ANO1: variants seen among roughly 807,000 people sequenced by gnomAD.
The protein encoded by ANO1 is anoctamin 1.
Under a neutral mutation model 124.0 loss-of-function variants are expected in ANO1, and 59 were observed. The ratio of observed to expected loss-of-function variants is 0.48; its 90% CI spans 0.39 to 0.59. ANO1 has a LOEUF of 0.59. Among genes scored for constraint, ANO1 ranks in the 20% least tolerant of loss-of-function variants. The pLI, the probability that ANO1 is intolerant of heterozygous loss-of-function variation, is 0.00. For synonymous variants in ANO1, 529 were observed against 532.0 expected, an observed-to-expected ratio of 0.99 and a Z score of 0.08; for missense variants, 1,059 against 1,328.0, an observed-to-expected ratio of 0.80 and a Z score of 3.15.
intron 1 of ANO1, chr11:70,014,739 G>A (rs959341071): frequency 1.3e-5 from 2 of 152,114 alleles, no homozygotes; most frequent in South Asian, 2.1e-4. Context: ...CCAAAGCAGC[G>A]GTTCCAGCTG....
intron 1 of ANO1, among the ~76,000 whole-genome samples, chr11:70,066,683 C>T (rs1042197220): frequency 1.3e-5 from 2 of 152,184 alleles, no homozygotes; most frequent in Non-Finnish European, 2.9e-5. Flanking sequence ...GACGGCACAG[C>T]AGAGACGTCT....
chr11:69,976,096 T>C, the ANO1 span, among the ~76,000 whole-genome samples: 1 of 152,194 alleles, frequency 6.6e-6, no homozygotes, highest in Non-Finnish European at 1.5e-5. Context: ...ATGGTCCTTT[T>C]AATAAATCCT....
chr11:70,174,618 G>A (rs181860545), intron 22 of ANO1, among the ~76,000 whole-genome samples: 8 of 152,182 alleles, frequency 5.3e-5, no homozygotes, highest in Admixed American at 2.0e-4. Context: ...GTCCTCCAGG[G>A]AACCCCGGGA....
In ANO1 at chr11:70,126,232, C is replaced by G. The variant is rs774347182; in HGVS notation, c.1097+37C>G. The G allele has an allele frequency of 9.3e-5, 148 of 1,591,044 alleles. 2 individuals are homozygous for G. In the South Asian group the frequency reaches 1.5e-3, roughly 16 times the overall value. ...CCCACCCCCACCACCCCGCAGTACA[C>G]AGAGGAGCCCTCTCCTGCCATCCCA... On this transcript the variant is annotated intron_variant, in intron 10 of 25. Transcript: ENST00000355303.
At chr11:70,168,254 G>A (rs78177601) in intron 21 of ANO1, among the ~76,000 whole-genome samples, 1,956 of 152,196 alleles carry the variant, frequency 0.013, 40 homozygotes, top group African/African-American at 0.039. Context: ...CCGCCCCAGG[G>A]CCTTTGCACG....
chr11:70,009,407 G>A (rs1856550303), intron 1 of ANO1, among the ~76,000 whole-genome samples: 1 of 152,300 alleles, frequency 6.6e-6, no homozygotes, highest in African/African-American at 2.4e-5. Context: ...ATCACCTGGG[G>A]CCTCTGACAT....
At chr11:70,061,638 T>C (rs964994379) in intron 1 of ANO1, among the ~76,000 whole-genome samples, 2 of 152,216 alleles carry the variant, frequency 1.3e-5, no homozygotes, top group Non-Finnish European at 2.9e-5. Context: ...CTATAGCAGC[T>C]GAGTTTCTCT....
chr11:70,147,157 G>A (rs2047411005), intron 11 of ANO1, among the ~76,000 whole-genome samples: 1 of 152,380 alleles, frequency 6.6e-6, no homozygotes, highest in East Asian at 1.9e-4. Context: ...TCGTAAAAGG[G>A]CGTTGTTGGC....
In ANO1 at chr11:70,165,499, A is replaced by G. The variant is rs1043140668; in HGVS notation, c.1980A>G (p.Leu660=). 3.1e-6 allele frequency: 5 copies of G among 1,611,946 alleles called. No homozygotes were observed. The highest frequency in any genetic ancestry group is 1.3e-5 in the African/African-American group (1 of 74,946). The change falls in exon 20 of 26, where the codon CTA becomes CTG. Residue 660 remains leucine (L), a synonymous_variant. Coordinates refer to ENST00000355303, the MANE Select transcript of ANO1 (RefSeq NM_018043.7). ...ECAPGGCLME[L]CIQLSIIMLG... ...CGCCAGGGGGCTGCCTGATGGAGCT[A>G]TGCATCCAGCTCAGCATCATCATGC...
intron 1 of ANO1, among the ~76,000 whole-genome samples, chr11:69,999,490 G>T (rs781965538): frequency 6.6e-6 from 1 of 152,146 alleles, no homozygotes; most frequent in Non-Finnish European, 1.5e-5. Context: ...GGATGAAAGC[G>T]CCTTTAATGA....
At chr11:70,070,287 G>A (rs1247002708) in intron 1 of ANO1, among the ~76,000 whole-genome samples, 20 of 152,134 alleles carry the variant, frequency 1.3e-4, no homozygotes. Flanking sequence ...GGAGGCAGAG[G>A]GAAAACAAGA....
intron 1 of ANO1, among the ~76,000 whole-genome samples, chr11:70,057,070 G>A (rs1200925945): frequency 1.3e-5 from 2 of 151,228 alleles, no homozygotes; most frequent in Non-Finnish European, 2.9e-5. Context: ...CCCAATATCT[G>A]GATCTGCTGT....
At chr11:70,081,604 C>T (rs2044203088) in intron 1 of ANO1, among the ~76,000 whole-genome samples, 1 of 152,146 alleles carries the variant, frequency 6.6e-6, no homozygotes, top group Admixed American at 6.5e-5. Context: ...TTGTAGATTC[C>T]CTTGAGTGAT....
At chr11:70,154,073 T>C (rs2047709643) in intron 14 of ANO1, among the ~76,000 whole-genome samples, 3 of 152,042 alleles carry the variant, frequency 2.0e-5, no homozygotes, top group Non-Finnish European at 4.4e-5. Flanking sequence ...GCAAAGTTTA[T>C]TTAATGGTGT....
intron 11 of ANO1, among the ~76,000 whole-genome samples, chr11:70,147,793 T>C (rs921269917): frequency 6.6e-6 from 1 of 152,162 alleles, no homozygotes; most frequent in African/African-American, 2.4e-5. Flanking sequence ...GGCTCCAGCA[T>C]TGGCGCTGAG....
At chr11:70,052,166 A>G (rs1228692691) in intron 1 of ANO1, among the ~76,000 whole-genome samples, 4 of 152,224 alleles carry the variant, frequency 2.6e-5, no homozygotes, top group Admixed American at 2.0e-4. Context: ...ATTACACACT[A>G]TTTATTGAAA....
chr11:70,169,710 G>A (rs140768818), intron 21 of ANO1, among the ~76,000 whole-genome samples: 29 of 152,238 alleles, frequency 1.9e-4, no homozygotes, highest in African/African-American at 6.3e-4. Flanking sequence ...GGGCTAGCAA[G>A]ACAGCCCAGG....
intron 21 of ANO1, among the ~76,000 whole-genome samples, chr11:70,170,563 G>A (rs1159323491): frequency 1.3e-5 from 2 of 152,218 alleles, no homozygotes; most frequent in Non-Finnish European, 2.9e-5. Context: ...CTGTACTCCA[G>A]CGTGGTGACA....
chr11:70,158,439 A>G (rs875109), intron 16 of ANO1, among the ~76,000 whole-genome samples: 110,882 of 152,250 alleles, frequency 0.73, 40,455 homozygotes, highest in Middle Eastern at 0.8. Context: ...AGAGCGTCTC[A>G]TCACTGGCCA....
Sources: allele counts gnomAD v4.1 joint callset (sites outside exome capture counted in the v4.1 genomes callset), GRCh38; gene constraint gnomAD v4.1.1; transcripts MANE v1.5; gene names NCBI Gene and HGNC (gene_info 2026-07-23, HGNC 2026-07-21).